Variants in PLEKHG4B observed in about 807,000 individuals in gnomAD.
PLEKHG4B encodes pleckstrin homology and RhoGEF domain containing G4B, also known as pleckstrin homology domain-containing family G member 4B.
PLEKHG4B carries 111 observed loss-of-function variants against 121.3 expected under a neutral mutation model. The ratio of observed to expected loss-of-function variants is 0.92; its 90% confidence interval spans 0.78 to 1.07. The LOEUF is 1.07. Ranked by LOEUF, PLEKHG4B falls within the 50% of genes least tolerant of loss-of-function variation. PLEKHG4B has a pLI of 0.00. For synonymous variants in PLEKHG4B, 738 were observed against 725.0 expected (o/e 1.02, Z -0.29); for missense variants, 1,831 against 1,757.8 (o/e 1.04, Z -0.74).
chr5:120,355 C>A (rs1299003156), intron 2 of PLEKHG4B, among the ~76,000 whole-genome samples: 1 of 152,168 alleles, frequency 6.6e-6, no homozygotes. Context: ...AAATTTCAGT[C>A]CCACGGTTTC....
chr5:115,331 C>T (rs1173361448), intron 2 of PLEKHG4B, among the ~76,000 whole-genome samples: 1 of 152,206 alleles, frequency 6.6e-6, no homozygotes, highest in African/African-American at 2.4e-5. Context: ...AACAGACGTG[C>T]TGTCATCCAG....
chr5:148,122 TACTC>T (rs1194136200), intron 6 of PLEKHG4B, among the ~76,000 whole-genome samples: 2 of 152,006 alleles, frequency 1.3e-5, no homozygotes, highest in East Asian at 1.9e-4. Context: ...GCAAATATCA[TACTC>T]AATGGCAAAA....
intron 1 of PLEKHG4B, among the ~76,000 whole-genome samples, chr5:103,751 A>G (rs1733890450): frequency 6.6e-6 from 1 of 152,188 alleles, no homozygotes; most frequent in South Asian, 2.1e-4. Flanking sequence ...TATATACAGT[A>G]ATCTATACAA....
chr5:163,814 G>C (rs772267909), intron 13 of PLEKHG4B, among the ~76,000 whole-genome samples: 1 of 152,168 alleles, frequency 6.6e-6, no homozygotes, highest in Non-Finnish European at 1.5e-5. Flanking sequence ...GTAACTGTGC[G>C]ACCAACTCTA....
intron 2 of PLEKHG4B, among the ~76,000 whole-genome samples, chr5:115,328 G>A (rs1031720668): frequency 1.3e-5 from 2 of 152,160 alleles, no homozygotes; most frequent in Non-Finnish European, 2.9e-5. Flanking sequence ...GTAAACAGAC[G>A]TGCTGTCATC....
chr5:151,082 T>C (rs1465216070), intron 6 of PLEKHG4B, among the ~76,000 whole-genome samples: 1 of 152,234 alleles, frequency 6.6e-6, no homozygotes, highest in African/African-American at 2.4e-5. Flanking sequence ...AGGCCACTCC[T>C]GCCTGAGTCT....
At chr5:149,979 A>G (rs992796872) in intron 6 of PLEKHG4B, among the ~76,000 whole-genome samples, 3 of 152,228 alleles carry the variant, frequency 2.0e-5, no homozygotes, top group African/African-American at 7.2e-5. Context: ...AAAAGTAAAT[A>G]TAGGATTACC....
intron 1 of PLEKHG4B, among the ~76,000 whole-genome samples, chr5:103,076 C>T (rs1329652755): frequency 2.6e-5 from 4 of 152,190 alleles, no homozygotes; most frequent in African/African-American, 9.7e-5. Context: ...TTCCCTGGCC[C>T]AGGACAGGAG....
At position 159,538 on chromosome 5, in the gene PLEKHG4B, T is replaced by G. The variant is rs190339994; in HGVS notation, c.2488-2245T>G. 1.2e-4 allele frequency among the ~76,000 whole-genome samples: 19 copies of G among 152,306 alleles called. No individual in the cohort carries two copies. The highest frequency in any genetic ancestry group is 4.6e-4 in the African/African-American group (19 of 41,564). On this transcript the variant is annotated intron_variant, in intron 11 of 19. Coordinates refer to ENST00000637938, the MANE Select transcript of PLEKHG4B (RefSeq NM_052909.5). The surrounding 1 kb of genome is among the most constrained non-coding windows in gnomAD (Gnocchi z 5.5). The stretch of plus-strand genomic sequence containing the variant: ...TTATTGAGTTTTTTGTTTCTGCTCT[T>G]GCTTTTTAACTCCATGGGCTTATTT...
At position 140,399 on chromosome 5, in the gene PLEKHG4B, A is replaced by G. The variant is rs1446863512; in HGVS notation, c.1160A>G (p.Asp387Gly). ...AGCTCCCTGACTGGAGCCAGCAGGG[A>G]CCTGGGGACTGGGGCAGTAGCCAGT... Reference protein sequence around the residue: ...ACSSLTGASRDLGTGAVASGT... With the variant: ...ACSSLTGASRGLGTGAVASGT... Residue 387 changes from aspartate to glycine, a missense_variant, in exon 3 of 20, where the codon GAC (aspartate) becomes GGC (glycine). Coordinates refer to ENST00000637938, the MANE Select transcript of PLEKHG4B (RefSeq NM_052909.5). 1 of 1,553,956 alleles carries G rather than the reference A, an allele frequency of 6.4e-7. No homozygotes were observed. The highest frequency in any genetic ancestry group is 1.9e-5 in the Admixed American group (1 of 51,418).
Position 163,245 on chromosome 5 carries a change from C to T in PLEKHG4B, c.3173C>T (p.Ala1058Val). ...ACGGCCCACCTGGAGGACAGCTCTG[C>T]CTGTTCCTCTGAGCCCACCCAGACC... Reference protein sequence around the residue: ...ATTAHLEDSSACSSEPTQTLA... With the variant: ...ATTAHLEDSSVCSSEPTQTLA... Residue 1058 changes from alanine to valine, a missense_variant, in exon 13 of 20, where the codon GCC (alanine) becomes GTC (valine). Ala to Val is a moderately conservative substitution (Grantham distance 64). Coordinates refer to ENST00000637938, the MANE Select transcript of PLEKHG4B (RefSeq NM_052909.5). The T allele has an allele frequency of 6.2e-7, 1 of 1,610,536 alleles. No individual in the cohort carries two copies. Among genetic ancestry groups the T allele is most frequent in the South Asian group, 1.1e-5 (1 of 90,580 alleles).
chr5:111,141 C>G (rs1734146242), intron 1 of PLEKHG4B, among the ~76,000 whole-genome samples: 1 of 152,290 alleles, frequency 6.6e-6, no homozygotes, highest in South Asian at 2.1e-4. Context: ...GCTGCAGACA[C>G]ATCAGGCCAG....
intron 2 of PLEKHG4B, among the ~76,000 whole-genome samples, chr5:115,955 T>A (rs889877696): frequency 5.9e-5 from 9 of 152,252 alleles, no homozygotes; most frequent in Non-Finnish European, 8.8e-5. Context: ...GGACTTTTAA[T>A]TTCCTTCGGT....
Position 155,326 on chromosome 5 carries a change from C to T in PLEKHG4B, c.2110-19C>T, listed in dbSNP as rs770929281. ...ACAGACTGTGTTCTTATAATCTCCT[C>T]CCTCTCAACTCACAACAGAGGCTGG... On this transcript the variant is annotated intron_variant, in intron 8 of 19. Transcript: ENST00000637938. 1.1e-5 allele frequency: 17 copies of T among 1,596,360 alleles called. No homozygotes were observed. The Middle Eastern group carries it at 5.0e-4, about 47-fold the overall frequency.
intron 2 of PLEKHG4B, among the ~76,000 whole-genome samples, chr5:115,303 C>T (rs148516750): frequency 2.0e-5 from 3 of 152,246 alleles, no homozygotes; most frequent in South Asian, 2.1e-4. Flanking sequence ...CTTAAAATAT[C>T]GAGTAAACCA....
intron 1 of PLEKHG4B, among the ~76,000 whole-genome samples, chr5:109,748 G>A (rs974428714): frequency 6.6e-5 from 10 of 152,214 alleles, no homozygotes; most frequent in Non-Finnish European, 1.2e-4. Flanking sequence ...TTCGGACACC[G>A]TCTTCCATTC....
chr5:162,867 C>T lies in PLEKHG4B; in HGVS notation c.2795C>T (p.Ala932Val), dbSNP rs749880824. The T allele has an allele frequency of 6.6e-7, 1 of 1,519,924 alleles. No homozygotes were observed. Among genetic ancestry groups the T allele is most frequent in the Non-Finnish European group, 8.8e-7 (1 of 1,132,570 alleles). 94.2% of individuals were successfully genotyped at this position (1,519,924 alleles called of 1,614,324 possible). The change falls in exon 13 of 20, where the codon GCC becomes GTC. Residue 932 changes from alanine to valine, a missense_variant. By Grantham distance (64) the Ala-to-Val change is moderately conservative (BLOSUM62 0). Transcript: ENST00000637938. ...GGTGTGGCAGTGCTGAAGCCTCATG[C>T]CCTGGGGAAACCGTGGGCATCACAG... ...GAGVAVLKPHALGKPWASQQD... is the reference protein window; with the variant it reads ...GAGVAVLKPHVLGKPWASQQD...
chr5:92,280 A>T lies in PLEKHG4B; in HGVS notation c.45+4A>T. On this transcript the variant is annotated splice_donor_region_variant and intron_variant, in intron 1 of 19. Transcript: ENST00000637938. ...CGGGGGCGGCCCAGGCGCCCGGGTAAGAGGGGGCACGGGGACTGCGGCGGG... is the reference window on the plus strand; with the variant it reads ...CGGGGGCGGCCCAGGCGCCCGGGTATGAGGGGGCACGGGGACTGCGGCGGG... 8.7e-6 allele frequency: 2 copies of T among 230,046 alleles called. No individual in the cohort carries two copies. Among genetic ancestry groups the T allele is most frequent in the East Asian group, 1.2e-4 (2 of 16,750 alleles). 14.3% of individuals were successfully genotyped at this position (230,046 alleles called of 1,614,324 possible). A position where few individuals can be genotyped will look rare whatever the true frequency, so the allele number is the denominator to read the frequency against.
chr5:109,709 C>T (rs1174719229), intron 1 of PLEKHG4B, among the ~76,000 whole-genome samples: 1 of 152,232 alleles, frequency 6.6e-6, no homozygotes, highest in Non-Finnish European at 1.5e-5. Flanking sequence ...ATAAATCCTT[C>T]ATTGAAGAGT....
Sources: allele counts gnomAD v4.1 joint callset (sites outside exome capture counted in the v4.1 genomes callset), GRCh38; gene constraint gnomAD v4.1.1; non-coding constraint Gnocchi (gnomAD v3.1); transcripts MANE v1.5; gene names NCBI Gene and HGNC (gene_info 2026-07-23, HGNC 2026-07-21).